TBC1D14: variants seen among roughly 807,000 people sequenced by gnomAD.
The protein encoded by TBC1D14 is TBC1 domain family member 14.
TBC1D14 carries 26 observed loss-of-function variants against 79.0 expected under a neutral mutation model. That is an observed-to-expected ratio of 0.33 (90% CI 0.24 to 0.46). The LOEUF is 0.46. TBC1D14 is among the 20% of genes least tolerant of loss of function. TBC1D14 has a pLI of 1.00. For missense variants in TBC1D14, 769 were observed against 887.6 expected (o/e 0.87, Z 1.70); for synonymous variants, 394 against 349.9 (o/e 1.13, Z -1.40).
intron 2 of TBC1D14, among the ~76,000 whole-genome samples, chr4:6,952,916 T>G (rs1307869811): frequency 6.6e-6 from 1 of 151,996 alleles, no homozygotes; most frequent in Non-Finnish European, 1.5e-5. Flanking sequence ...GGTGTGATCT[T>G]GGCTCACTGC....
At chr4:7,007,956 T>C (rs1230676211) in intron 9 of TBC1D14, among the ~76,000 whole-genome samples, 1 of 152,198 alleles carries the variant, frequency 6.6e-6, no homozygotes, top group East Asian at 1.9e-4. Flanking sequence ...GAAAGGAGTT[T>C]TACCTTTGAT....
intron 11 of TBC1D14, among the ~76,000 whole-genome samples, chr4:7,012,960 C>T (rs1720919466): frequency 6.6e-6 from 1 of 152,154 alleles, no homozygotes; most frequent in Admixed American, 6.5e-5. Flanking sequence ...ATAATTCCTG[C>T]ATGTAAATTT....
chr4:6,966,636 G>T (rs907299749), intron 2 of TBC1D14, among the ~76,000 whole-genome samples: 2 of 152,182 alleles, frequency 1.3e-5, no homozygotes, highest in African/African-American at 4.8e-5. Flanking sequence ...GGAAACTGAG[G>T]CTCAGAGGTT....
intron 3 of TBC1D14, chr4:6,987,267 C>CGGGA (rs1000345297): frequency 4.5e-5 from 59 of 1,303,334 alleles, no homozygotes; most frequent in Non-Finnish European, 4.7e-5. Context: ...GCCCGCGGTC[C>CGGGA]GGGAGGGAGG....
intron 6 of TBC1D14, among the ~76,000 whole-genome samples, chr4:7,000,505 G>A (rs537273088): frequency 1.3e-5 from 2 of 152,242 alleles, no homozygotes; most frequent in Non-Finnish European, 2.9e-5. Flanking sequence ...CCTCAAGCCT[G>A]TGCTCCCCAC....
chr4:6,918,843 A>G (rs1723606986), intron 1 of TBC1D14, among the ~76,000 whole-genome samples: 1 of 152,186 alleles, frequency 6.6e-6, no homozygotes, highest in Non-Finnish European at 1.5e-5. Flanking sequence ...CCTTTTAATT[A>G]AAGTGTATGT....
chr4:6,961,783 C>A (rs990361696), intron 2 of TBC1D14, among the ~76,000 whole-genome samples: 3 of 152,074 alleles, frequency 2.0e-5, no homozygotes, highest in African/African-American at 7.2e-5. Context: ...AGGGGCAAGG[C>A]AGGCACACCT....
At chr4:6,911,313 A>C (rs1722970287) in intron 1 of TBC1D14, among the ~76,000 whole-genome samples, 2 of 152,190 alleles carry the variant, frequency 1.3e-5, no homozygotes, top group Admixed American at 1.3e-4. Flanking sequence ...TTTGGGAAAC[A>C]TCAAGGGTGT....
At chr4:6,953,171 C>T (rs1187252466) in intron 2 of TBC1D14, among the ~76,000 whole-genome samples, 5 of 150,460 alleles carry the variant, frequency 3.3e-5, no homozygotes, top group Non-Finnish European at 5.9e-5. Flanking sequence ...ATTACAGGCA[C>T]CTACCACCAT....
chr4:7,004,778 G>A, intron 7 of TBC1D14, 66 bp from the exon 8 acceptor site: 3 of 1,430,576 alleles, frequency 2.1e-6, no homozygotes, highest in Non-Finnish European at 3.0e-6. Flanking sequence ...ATAGTACTGT[G>A]TTCTGTGGTG....
At position 6,995,032 on chromosome 4, in the gene TBC1D14, C is replaced by T. The variant is rs149047527; in HGVS notation, c.962+730C>T. On this transcript the variant is annotated intron_variant, in intron 4 of 13. Coordinates refer to ENST00000409757, the MANE Select transcript of TBC1D14 (RefSeq NM_020773.3). ...GCTCTGAAAGGTGAACTGGCGGACT[C>T]TCCTGCAAGTGATGGTTGTTTAAAA... Among the ~76,000 whole-genome samples the T allele has an allele frequency of 2.2e-4, 34 of 152,294 alleles. No individual in the cohort carries two copies. The East Asian group carries it at 6.4e-3, about 28-fold the overall frequency.
chr4:7,022,050 A>C (rs2109305066), intron 12 of TBC1D14, among the ~76,000 whole-genome samples: 1 of 152,380 alleles, frequency 6.6e-6, no homozygotes, highest in South Asian at 2.1e-4. Flanking sequence ...TGTGGTTTAA[A>C]ATAAAGCCCA....
At chr4:6,916,001 C>T (rs1723368654) in intron 1 of TBC1D14, among the ~76,000 whole-genome samples, 1 of 151,916 alleles carries the variant, frequency 6.6e-6, no homozygotes, top group African/African-American at 2.4e-5. Flanking sequence ...TGGCGGGCGC[C>T]TGTAATCCCA....
At chr4:7,026,507 G>GT (rs1434179737) in intron 13 of TBC1D14, among the ~76,000 whole-genome samples, 2 of 152,218 alleles carry the variant, frequency 1.3e-5, no homozygotes, top group African/African-American at 4.8e-5. Context: ...CATGCCTTGT[G>GT]ATTGGTTGAA....
At chr4:6,978,308 G>T (rs1224136297) in intron 3 of TBC1D14, among the ~76,000 whole-genome samples, 1 of 150,518 alleles carries the variant, frequency 6.6e-6, no homozygotes, top group Non-Finnish European at 1.5e-5. Flanking sequence ...AGGGGGGAAA[G>T]GTGGGGAAAA....
At chr4:6,961,798 C>T (rs1048478885) in intron 2 of TBC1D14, among the ~76,000 whole-genome samples, 2 of 151,918 alleles carry the variant, frequency 1.3e-5, no homozygotes, top group African/African-American at 2.4e-5. Context: ...ACACCTGGGG[C>T]GCGACTGGCA....
intron 2 of TBC1D14, among the ~76,000 whole-genome samples, chr4:6,964,048 G>A (rs569122367): frequency 3.9e-5 from 6 of 152,190 alleles, no homozygotes; most frequent in South Asian, 2.1e-4. Context: ...CACCCACCTC[G>A]GCCTCCCAAA....
intron 3 of TBC1D14, among the ~76,000 whole-genome samples, chr4:6,979,707 AAGAT>A (rs1210400646): frequency 3.3e-5 from 5 of 152,204 alleles, no homozygotes; most frequent in Middle Eastern, 3.2e-3. Context: ...TTAAAATAAA[AAGAT>A]AGAAAAAGAT....
chr4:6,909,697 G>C (rs1722803117), upstream of TBC1D14: 1 of 151,180 alleles, frequency 6.6e-6, no homozygotes, highest in Non-Finnish European at 1.5e-5. Flanking sequence ...GCGGCGGCAC[G>C]GGCGGAAGAA....
Sources: gnomAD v4.1 joint callset for allele counts (sites outside exome capture counted in the v4.1 genomes callset) on GRCh38, gnomAD v4.1.1 for gene constraint, MANE v1.5 for transcripts, NCBI Gene and HGNC (gene_info 2026-07-23, HGNC 2026-07-21) for gene names.